Variants in RBFOX1 observed in about 807,000 individuals in gnomAD.
The protein encoded by RBFOX1 is RNA binding fox-1 homolog 1, also known as RNA binding protein fox-1 homolog 1.
RBFOX1 carries 8 observed loss-of-function variants against 57.7 expected under a neutral mutation model. The observed-to-expected ratio is 0.14, with a 90% CI of 0.08 to 0.25. The LOEUF is 0.25. RBFOX1 is among the 10% of genes least tolerant of loss of function. The probability of loss-of-function intolerance (pLI) is 1.00; values close to 1 mark genes in which losing one functional copy is unlikely to be tolerated. For missense variants in RBFOX1, 611 were observed against 548.5 expected, an observed-to-expected ratio of 1.11 and a Z score of -1.14; for synonymous variants, 326 against 222.4, an observed-to-expected ratio of 1.47 and a Z score of -4.15.
chr16:6,082,254 C>T (rs1597120078), intron 1 of RBFOX1, among the ~76,000 whole-genome samples: 1 of 136,468 alleles, frequency 7.3e-6, no homozygotes, highest in South Asian at 2.4e-4. Context: ...AATCTCGGCT[C>T]ATTGCAACCT....
At position 5,994,960 on chromosome 16, in the gene RBFOX1, A is replaced by G. The variant is rs2060466734; in HGVS notation, c.351+127625A>G. On this transcript the variant is annotated intron_variant, in intron 4 of 19. Coordinates refer to the RBFOX1 transcript ENST00000641259. The stretch of plus-strand genomic sequence containing the variant: ...GTGACATCCATCGATGCAGGAACCA[A>G]AAGCCCCAGCTTCAGGCTCCTCTCA... Among the ~76,000 whole-genome samples, 4 of 152,200 alleles carry G rather than the reference A, an allele frequency of 2.6e-5. No individual in the cohort carries two copies. In the South Asian group the frequency reaches 8.3e-4, roughly 31 times the overall value.
At chr16:6,364,412 C>T (rs1381275865) in intron 2 of RBFOX1, among the ~76,000 whole-genome samples, 1 of 152,140 alleles carries the variant, frequency 6.6e-6, no homozygotes, top group African/African-American at 2.4e-5. Flanking sequence ...GGTGCAACCT[C>T]AGCATTATTA....
chr16:5,703,929 C>T (rs2051144063), intron 3 of RBFOX1, among the ~76,000 whole-genome samples: 1 of 152,174 alleles, frequency 6.6e-6, no homozygotes, highest in Admixed American at 6.5e-5. Flanking sequence ...TTACACTAAT[C>T]ATTATGTGAA....
At chr16:6,720,538 G>A (rs1488985042) in intron 3 of RBFOX1, among the ~76,000 whole-genome samples, 4 of 152,222 alleles carry the variant, frequency 2.6e-5, no homozygotes, top group Non-Finnish European at 5.9e-5. Flanking sequence ...CAGGCAGCAG[G>A]AACAGCAAAG....
intron 2 of RBFOX1, among the ~76,000 whole-genome samples, chr16:6,545,916 T>G (rs954397449): frequency 5.9e-5 from 9 of 152,354 alleles, no homozygotes; most frequent in South Asian, 2.1e-4. Flanking sequence ...ACTTGAGTAC[T>G]GCACGTGCTA....
intron 2 of RBFOX1, among the ~76,000 whole-genome samples, chr16:5,578,620 T>C (rs541555945): frequency 3.3e-5 from 5 of 152,318 alleles, no homozygotes; most frequent in Admixed American, 6.5e-5. Flanking sequence ...GCCTGCCTTG[T>C]TGTTCTATTA....
intron 2 of RBFOX1, among the ~76,000 whole-genome samples, chr16:6,635,434 C>T (rs1174125205): frequency 2.6e-5 from 4 of 151,984 alleles, no homozygotes; most frequent in Non-Finnish European, 5.9e-5. Context: ...CCACAAGGAA[C>T]AGTCAAATCT....
At chr16:5,245,317 T>G (rs9302799) in intron 1 of RBFOX1, among the ~76,000 whole-genome samples, 151,619 of 152,278 alleles carry the variant, frequency 1, 75,483 homozygotes, top group Middle Eastern at 1. Context: ...GGAAGTTGAC[T>G]TTGGACTCAT....
At chr16:6,485,909 A>C (rs183183081) in intron 2 of RBFOX1, among the ~76,000 whole-genome samples, 1 of 152,136 alleles carries the variant, frequency 6.6e-6, no homozygotes, top group Non-Finnish European at 1.5e-5. Context: ...AATAACTATC[A>C]GTGCTGACTT....
intron 3 of RBFOX1, among the ~76,000 whole-genome samples, chr16:5,623,429 G>C (rs1191510103): frequency 6.6e-6 from 1 of 152,156 alleles, no homozygotes; most frequent in East Asian, 1.9e-4. Context: ...GCGAGTTTCT[G>C]TTCTAGTGGG....
chr16:6,563,780 T>G (rs2097216674), intron 2 of RBFOX1, among the ~76,000 whole-genome samples: 1 of 151,864 alleles, frequency 6.6e-6, no homozygotes, highest in Non-Finnish European at 1.5e-5. Context: ...GAGCTGAGAC[T>G]GAGCCACTGC....
intron 2 of RBFOX1, among the ~76,000 whole-genome samples, chr16:6,574,732 C>G (rs2097401288): frequency 1.4e-5 from 2 of 141,572 alleles, no homozygotes; most frequent in Non-Finnish European, 3.1e-5. Flanking sequence ...CGGCCCGTAT[C>G]TTCTATTAAG....
intron 1 of RBFOX1, among the ~76,000 whole-genome samples, chr16:5,340,878 A>G (rs1285451221): frequency 6.6e-6 from 1 of 152,210 alleles, no homozygotes; most frequent in Non-Finnish European, 1.5e-5. Flanking sequence ...ATGAGGACTC[A>G]GGAGAGAAAG....
chr16:6,580,088 A>T (rs12447001), intron 2 of RBFOX1, among the ~76,000 whole-genome samples: 15,801 of 151,824 alleles, frequency 0.1, 1,175 homozygotes, highest in East Asian at 0.38. Flanking sequence ...CCTCCCAGGT[A>T]GCTGGGATTA....
At chr16:6,879,099 G>A (rs1341231394) in intron 3 of RBFOX1, among the ~76,000 whole-genome samples, 2 of 152,168 alleles carry the variant, frequency 1.3e-5, no homozygotes, top group African/African-American at 2.4e-5. Context: ...TGAGCTAATA[G>A]CTTGAATATA....
At chr16:6,574,629 C>T (rs1370191132) in intron 2 of RBFOX1, among the ~76,000 whole-genome samples, 1 of 148,038 alleles carries the variant, frequency 6.8e-6, no homozygotes. Flanking sequence ...GGGGTTTCAC[C>T]GTTTTAGCCG....
intron 3 of RBFOX1, among the ~76,000 whole-genome samples, chr16:6,782,915 G>C (rs772017262): frequency 1.3e-5 from 2 of 151,998 alleles, no homozygotes; most frequent in East Asian, 1.9e-4. Flanking sequence ...GAGTGATCCA[G>C]CATTAGGTTT....
At chr16:7,195,502 A>T (rs1349002178) in intron 4 of RBFOX1, among the ~76,000 whole-genome samples, 2 of 152,134 alleles carry the variant, frequency 1.3e-5, no homozygotes, top group Non-Finnish European at 2.9e-5. Flanking sequence ...GATTTGAAAG[A>T]CTGTTTGAGG....
chr16:6,926,206 C>G (rs1009158781), intron 3 of RBFOX1, among the ~76,000 whole-genome samples: 6 of 152,144 alleles, frequency 3.9e-5, no homozygotes, highest in African/African-American at 1.4e-4. Flanking sequence ...AATCCAGAGG[C>G]TGAGGCAGGA....
Sources: allele counts gnomAD v4.1 joint callset (sites outside exome capture counted in the v4.1 genomes callset), GRCh38; gene constraint gnomAD v4.1.1; transcripts MANE v1.5; gene names NCBI Gene and HGNC (gene_info 2026-07-23, HGNC 2026-07-21).